RPF2: variants seen among roughly 807,000 people sequenced by gnomAD.
RPF2 encodes the protein ribosome production factor 2 homolog.
Under a neutral mutation model 38.9 loss-of-function variants are expected in RPF2, and 21 were observed. The observed-to-expected ratio is 0.54, with a 90% CI of 0.38 to 0.78. The LOEUF is 0.78. RPF2 is among the 30% of genes least tolerant of loss of function. The probability of loss-of-function intolerance (pLI) is 0.00; values close to 1 mark genes in which losing one functional copy is unlikely to be tolerated. For synonymous variants in RPF2, 121 were observed against 126.2 expected (o/e 0.96, Z 0.28); for missense variants, 314 against 358.1 (o/e 0.88, Z 0.99).
rs538571055 is a variant in RPF2, at chr6:111,025,552, GAA to G, written c.895_896del (p.Lys299ValfsTer5). ...PAERITEDHE[K>X]KSKRIKKN ...CAGAAAGGATAACAGAAGACCACGA[GAA>G]AAAGTCAAAAAGAATTAAAAAAAAT... is the stretch of plus-strand genomic sequence containing the variant. On this transcript the variant is annotated frameshift_variant, in exon 10 of 10. Coordinates refer to ENST00000441448, the MANE Select transcript of RPF2 (RefSeq NM_032194.3). LOFTEE classifies it high-confidence loss of function. 34 of 1,605,654 alleles carry G rather than the reference GAA, an allele frequency of 2.1e-5. No homozygotes were observed. The highest frequency in any genetic ancestry group is 2.8e-5 in the Non-Finnish European group (33 of 1,177,952).
At chr6:111,014,792 C>G (rs913042787) in intron 7 of RPF2, among the ~76,000 whole-genome samples, 1 of 152,188 alleles carries the variant, frequency 6.6e-6, no homozygotes, top group Non-Finnish European at 1.5e-5. Flanking sequence ...CCTTAGCGTG[C>G]AGTTCACTGG....
At chr6:111,005,726 G>GCT (rs1440840840) in intron 6 of RPF2, among the ~76,000 whole-genome samples, 2 of 151,888 alleles carry the variant, frequency 1.3e-5, no homozygotes, top group Non-Finnish European at 2.9e-5. Flanking sequence ...ACTTCCCTGG[G>GCT]CTCAAGTGAT....
intron 8 of RPF2, among the ~76,000 whole-genome samples, chr6:111,017,303 C>T (rs1324570024): frequency 6.7e-5 from 10 of 150,040 alleles, no homozygotes; most frequent in Non-Finnish European, 1.0e-4. Context: ...GGCGGCTGGG[C>T]GGAGGCGCCC....
intron 6 of RPF2, among the ~76,000 whole-genome samples, chr6:111,005,826 G>C (rs1289272940): frequency 6.6e-6 from 1 of 151,840 alleles, no homozygotes; most frequent in African/African-American, 2.4e-5. Context: ...GTTTGTTATT[G>C]TTTTCTTGAG....
At chr6:110,993,239 C>T (rs747535583) in intron 4 of RPF2, among the ~76,000 whole-genome samples, 7 of 151,960 alleles carry the variant, frequency 4.6e-5, no homozygotes, top group Non-Finnish European at 8.8e-5. Flanking sequence ...GCCGTCACAC[C>T]CAACCAGGAA....
At chr6:110,989,316 G>C (rs967357765) in intron 3 of RPF2, among the ~76,000 whole-genome samples, 1 of 152,034 alleles carries the variant, frequency 6.6e-6, no homozygotes, top group Admixed American at 6.6e-5. Flanking sequence ...AAATAATGCA[G>C]AATTCCCATA....
intron 8 of RPF2, among the ~76,000 whole-genome samples, chr6:111,022,379 A>C (rs1295874567): frequency 6.6e-6 from 1 of 152,232 alleles, no homozygotes; most frequent in Non-Finnish European, 1.5e-5. Flanking sequence ...GCTTGAGCCC[A>C]TCTGAGAGAG....
At chr6:111,018,187 T>G (rs1433606813) in intron 8 of RPF2, among the ~76,000 whole-genome samples, 2 of 120,628 alleles carry the variant, frequency 1.7e-5, no homozygotes, top group African/African-American at 3.3e-5. Flanking sequence ...CGGCTCGGCA[T>G]CAGGGGGAGA....
chr6:111,028,029 G>A lies in RPF2; in HGVS notation c.*2447G>A, dbSNP rs1343258296. The stretch of plus-strand genomic sequence containing the variant: ...TTTTACTTAATGTTGGGTTTTGGTA[G>A]ATGAGGAAAGCATTTTGGTTATTTG... On this transcript the variant is annotated 3_prime_UTR_variant, in exon 10 of 10. Coordinates refer to ENST00000441448, the MANE Select transcript of RPF2 (RefSeq NM_032194.3). 6.6e-6 allele frequency: 1 copy of A among 152,148 alleles called. No individual in the cohort carries two copies. Among genetic ancestry groups the A allele is most frequent in the Non-Finnish European group, 1.5e-5 (1 of 68,012 alleles). The allele number at this position is 152,148 out of a possible 1,614,324, so 9.4% of individuals were successfully genotyped here.
intron 6 of RPF2, among the ~76,000 whole-genome samples, chr6:111,000,467 C>A (rs1042131638): frequency 2.0e-5 from 3 of 152,144 alleles, no homozygotes; most frequent in African/African-American, 7.2e-5. Context: ...TCAAATTGAA[C>A]CCAGGAAGCT....
At position 110,999,770 on chromosome 6, in the gene RPF2, T is replaced by A. The variant is rs1771782019; in HGVS notation, c.376T>A (p.Ser126Thr). 1 of 1,580,258 alleles carries A rather than the reference T, an allele frequency of 6.3e-7. No individual in the cohort carries two copies. The highest frequency in any genetic ancestry group is 8.7e-7 in the Non-Finnish European group (1 of 1,149,516). Residue 126 changes from serine to threonine, a missense_variant, in exon 6 of 10, where the codon TCT (serine) becomes ACT (threonine). By Grantham distance (58) the Ser-to-Thr change is moderately conservative. Transcript: ENST00000441448. ...MIELGIENFV[S>T]LKDIKNSKCP... Reference sequence around the variant, plus strand: ...TGAATTAGGTATTGAGAATTTTGTCTCTCTAAAAGACATTAAGGTAAGATA... The same window carrying A: ...TGAATTAGGTATTGAGAATTTTGTCACTCTAAAAGACATTAAGGTAAGATA...
intron 8 of RPF2, among the ~76,000 whole-genome samples, chr6:111,018,379 G>A (rs1348460876): frequency 1.3e-5 from 2 of 152,204 alleles, no homozygotes; most frequent in Non-Finnish European, 2.9e-5. Flanking sequence ...TTTAGACTTT[G>A]CTGTACATTT....
chr6:110,988,871 A>G, intron 2 of RPF2, 157 bp from the exon 3 acceptor site: 1 of 884,166 alleles, frequency 1.1e-6, no homozygotes, highest in Non-Finnish European at 1.7e-6. Context: ...TTACATTTCA[A>G]GTTACTGTAA....
At chr6:110,983,037 A>G (rs1382837400) in intron 1 of RPF2, among the ~76,000 whole-genome samples, 2 of 152,236 alleles carry the variant, frequency 1.3e-5, no homozygotes, top group Non-Finnish European at 2.9e-5. Flanking sequence ...CTGGAGGAGT[A>G]TTTTAAAAAT....
At chr6:110,989,741 T>C (rs1771586907) in intron 3 of RPF2, among the ~76,000 whole-genome samples, 2 of 150,704 alleles carry the variant, frequency 1.3e-5, no homozygotes, top group South Asian at 4.2e-4. Context: ...TTCTCCTGCC[T>C]CAGCCTCCTG....
At chr6:111,000,589 G>A (rs994612786) in intron 6 of RPF2, among the ~76,000 whole-genome samples, 4 of 152,126 alleles carry the variant, frequency 2.6e-5, no homozygotes, top group African/African-American at 7.2e-5. Context: ...GTAGTAAATG[G>A]TAGTAAAAAT....
At position 110,991,754 on chromosome 6, in the gene RPF2, AT is replaced by A; in HGVS notation, c.204del (p.Thr69GlnfsTer35). Reference sequence around the variant, plus strand: ...CTTTTTTGATATTCTTAGGAAAAATATTACAAGACCTTTTGAGGATCAGACA... The same window carrying A: ...CTTTTTTGATATTCTTAGGAAAAATATACAAGACCTTTTGAGGATCAGACA... ...PYGVLYKKKNITRPFEDQTSL... is the reference protein window; with the variant it reads ...PYGVLYKKKNXTRPFEDQTSL... On this transcript the variant is annotated frameshift_variant, in exon 4 of 10. Transcript: ENST00000441448. LOFTEE classifies it high-confidence loss of function. 8.2e-7 allele frequency: 1 copy of A among 1,222,492 alleles called. No homozygotes were observed. The highest frequency in any genetic ancestry group is 1.5e-5 in the South Asian group (1 of 66,622). 75.7% of individuals were successfully genotyped at this position (1,222,492 alleles called of 1,614,324 possible). A position where few individuals can be genotyped will look rare whatever the true frequency, so the allele number is the denominator to read the frequency against.
intron 6 of RPF2, among the ~76,000 whole-genome samples, chr6:111,003,381 A>C (rs1771847759): frequency 6.7e-6 from 1 of 149,092 alleles, no homozygotes. Flanking sequence ...ACATGCGCCT[A>C]CCTGGTTCAA....
chr6:111,016,702 AATTG>A (rs1772120435), intron 8 of RPF2, among the ~76,000 whole-genome samples: 1 of 65,306 alleles, frequency 1.5e-5, no homozygotes, highest in Admixed American at 1.4e-4. Context: ...TTTTTTTTTT[AATTG>A]ATCATTCTTG....
Sources: allele counts gnomAD v4.1 joint callset (sites outside exome capture counted in the v4.1 genomes callset), GRCh38; gene constraint gnomAD v4.1.1; transcripts MANE v1.5; gene names NCBI Gene and HGNC (gene_info 2026-07-23, HGNC 2026-07-21).